The following ALDH18A1 variants were observed in gnomAD, a reference collection of about 807,000 sequenced individuals.
ALDH18A1 encodes delta-1-pyrroline-5-carboxylate synthase.
ALDH18A1 carries 44 observed loss-of-function variants against 88.8 expected under a neutral mutation model. The ratio of observed to expected loss-of-function variants is 0.50; its 90% CI spans 0.39 to 0.64. The LOEUF is 0.64. ALDH18A1 is among the 30% of genes least tolerant of loss of function. The pLI is 0.00. For missense variants in ALDH18A1, 782 were observed against 1,009.5 expected (o/e 0.77, Z 3.05); for synonymous variants, 331 against 372.1 (o/e 0.89, Z 1.27).
At position 95,633,585 on chromosome 10, in the gene ALDH18A1, T is replaced by C. The variant is rs1414735634; in HGVS notation, c.623A>G (p.His208Arg). ...GACAATGTTCATTCTAAGGAGTTCA[T>C]GAAGTGTTCCATTGAGGTTCCGGCG... is the stretch of plus-strand genomic sequence containing the variant. ...QKRRNLNGTL[H>R]ELLRMNIVPI... The change falls in exon 6 of 18, where the codon CAT becomes CGT. Residue 208 changes from histidine (H) to arginine (R), a missense_variant. Coordinates refer to ENST00000371224, the MANE Select transcript of ALDH18A1 (RefSeq NM_002860.4). 1 of 1,614,160 alleles carries C rather than the reference T, an allele frequency of 6.2e-7. No homozygotes were observed. The highest frequency in any genetic ancestry group is 8.5e-7 in the Non-Finnish European group (1 of 1,180,034).
intron 1 of ALDH18A1, among the ~76,000 whole-genome samples, chr10:95,655,928 G>A (rs1291235009): frequency 1.3e-5 from 2 of 152,130 alleles, no homozygotes; most frequent in Admixed American, 6.6e-5. Context: ...TCGGTATATG[G>A]CTCACCACTT....
At chr10:95,615,451 G>A (rs928157012) in intron 13 of ALDH18A1, among the ~76,000 whole-genome samples, 8 of 152,202 alleles carry the variant, frequency 5.3e-5, no homozygotes, top group Admixed American at 2.0e-4. Context: ...CCTCCAGGAT[G>A]TTGGACTGTT....
Position 95,627,500 on chromosome 10 carries a change from G to A in ALDH18A1, c.1020C>T (p.Ile340=). Residue 340 remains isoleucine, a synonymous_variant, in exon 9 of 18, where the codon ATC becomes ATT. Transcript: ENST00000371224. ...GTHPKVSGHV[I]TDIVEGKKVG... ...CTTTCTTCCCCTCCACAATGTCTGT[G>A]ATGACGTGCCCAGACACCTTTGGGT... 1 of 1,614,134 alleles carries A rather than the reference G, an allele frequency of 6.2e-7. No homozygotes were observed. The highest frequency in any genetic ancestry group is 8.5e-7 in the Non-Finnish European group (1 of 1,179,988).
At chr10:95,608,305 T>C (rs933018940) in intron 17 of ALDH18A1, among the ~76,000 whole-genome samples, 1 of 152,158 alleles carries the variant, frequency 6.6e-6, no homozygotes, top group Non-Finnish European at 1.5e-5. Context: ...ATGGAGAGTA[T>C]AAAGATCAAT....
At chr10:95,610,751 G>A (rs1449735451) in intron 16 of ALDH18A1, among the ~76,000 whole-genome samples, 3 of 152,210 alleles carry the variant, frequency 2.0e-5, no homozygotes, top group Non-Finnish European at 4.4e-5. Flanking sequence ...TGAGTGCTTG[G>A]TAAATGTTGG....
At chr10:95,644,165 G>A (rs1224689152) in intron 2 of ALDH18A1, among the ~76,000 whole-genome samples, 1 of 152,124 alleles carries the variant, frequency 6.6e-6, no homozygotes, top group African/African-American at 2.4e-5. Context: ...AAAGAGGGAA[G>A]AGCCTGATTA....
chr10:95,652,835 G>T (rs1412360140), intron 2 of ALDH18A1, among the ~76,000 whole-genome samples: 1 of 151,846 alleles, frequency 6.6e-6, no homozygotes, highest in African/African-American at 2.4e-5. Flanking sequence ...TTGCTATTTG[G>T]CAGAATTTTG....
chr10:95,633,363 T>C, intron 6 of ALDH18A1, 128 bp downstream of exon 6: 2 of 1,220,198 alleles, frequency 1.6e-6, no homozygotes, highest in Admixed American at 4.1e-5. Context: ...ATGCAGTCAC[T>C]GCTCCATGAC....
At chr10:95,623,165 T>TA (rs552778394) in intron 11 of ALDH18A1, among the ~76,000 whole-genome samples, 21 of 151,344 alleles carry the variant, frequency 1.4e-4, no homozygotes, top group African/African-American at 4.6e-4. Context: ...CCCCATATGC[T>TA]AAAAAAAAAG....
intron 12 of ALDH18A1, among the ~76,000 whole-genome samples, chr10:95,619,883 G>A (rs1488285241): frequency 6.6e-6 from 1 of 152,152 alleles, no homozygotes; most frequent in Admixed American, 6.5e-5. Flanking sequence ...CATGGGCAAG[G>A]ACTTCATGAC....
chr10:95,627,705 T>C, intron 8 of ALDH18A1, 119 bp from the exon 9 acceptor site: 1 of 1,255,574 alleles, frequency 8.0e-7, no homozygotes, highest in African/African-American at 1.5e-5. Flanking sequence ...TATGAGAGAA[T>C]GTTTTTAAAA....
Position 95,637,036 on chromosome 10 carries a change from G to A in ALDH18A1, c.558+57C>T, listed in dbSNP as rs1000972314. On this transcript the variant is annotated intron_variant, in intron 5 of 17. Transcript: ENST00000371224. The stretch of plus-strand genomic sequence containing the variant: ...CAATAGTCTGGCTCCAGACCCCTTT[G>A]TTCCACAACAACCACCCTCACAGGT... 3.3e-5 allele frequency: 50 copies of A among 1,523,836 alleles called. No homozygotes were observed. The African/African-American group carries it at 5.9e-4, about 18-fold the overall frequency. The allele number at this position is 1,523,836 out of a possible 1,614,324, so 94.4% of individuals were successfully genotyped here.
intron 2 of ALDH18A1, among the ~76,000 whole-genome samples, chr10:95,647,976 TG>T (rs1351020260): frequency 6.6e-6 from 1 of 152,232 alleles, no homozygotes; most frequent in African/African-American, 2.4e-5. Flanking sequence ...CTGTTTCCTT[TG>T]TAATAAATTG....
chr10:95,621,075 C>T lies in ALDH18A1; in HGVS notation c.1423G>A (p.Val475Ile). The T allele has an allele frequency of 6.2e-7, 1 of 1,614,152 alleles. No homozygotes were observed. Residue 475 changes from valine (V) to isoleucine (I), a missense_variant, in exon 12 of 18, where the codon GTT becomes ATT. Physicochemically the swap from Val to Ile is conservative, Grantham distance 29 (BLOSUM62 3). Around this residue, in one of 3 missense-constraint regions of ALDH18A1, gnomAD observed 556 missense variants for 654.5 expected, o/e 0.85. Transcript: ENST00000371224. ...CGAGATTCAAAGATCACCAGCAGAA[C>T]TCCAATTGGGACAGTCACTTGTTCC... ...ELEQVTVPIG[V>I]LLVIFESRPD... is the part of the protein sequence containing the mutation.
intron 12 of ALDH18A1, among the ~76,000 whole-genome samples, chr10:95,617,090 T>C (rs1589493508): frequency 6.6e-6 from 1 of 152,142 alleles, no homozygotes; most frequent in East Asian, 1.9e-4. Context: ...CTACTATAAA[T>C]ACAAAAATTA....
In ALDH18A1 at chr10:95,621,134, A is replaced by C; in HGVS notation, c.1364T>G (p.Leu455Trp). The C allele has an allele frequency of 6.2e-7, 1 of 1,614,020 alleles. No homozygotes were observed. Among genetic ancestry groups the C allele is most frequent in the Non-Finnish European group, 8.5e-7 (1 of 1,180,014 alleles). Residue 455 changes from leucine to tryptophan, a missense_variant, in exon 12 of 18, where the codon TTG becomes TGG. This residue lies in a region of ALDH18A1 where 556 missense variants were observed against 654.5 expected (regional missense o/e 0.85). Transcript: ENST00000371224. ...GTTTTTGGCGATTCGGGTGCGGCGC[A>C]AAACACGTCCCACGCTGTCCTGGGA... is the stretch of plus-strand genomic sequence containing the variant. ...ASSQDSVGRV[L>W]RRTRIAKNLE...
chr10:95,638,090 T>C (rs1240158302), intron 3 of ALDH18A1, among the ~76,000 whole-genome samples: 1 of 152,204 alleles, frequency 6.6e-6, no homozygotes, highest in Non-Finnish European at 1.5e-5. Flanking sequence ...TGTGGCTCAC[T>C]GCAGCCTTGG....
chr10:95,644,343 T>G (rs1339628700), intron 2 of ALDH18A1, among the ~76,000 whole-genome samples: 1 of 152,218 alleles, frequency 6.6e-6, no homozygotes, highest in Non-Finnish European at 1.5e-5. Flanking sequence ...TCTATCCCCT[T>G]GGACATCTGC....
chr10:95,628,341 T>A, intron 8 of ALDH18A1, 27 bp downstream of exon 8: 2 of 1,614,048 alleles, frequency 1.2e-6, no homozygotes, highest in Non-Finnish European at 1.7e-6. Context: ...AAAATTGTTA[T>A]AGGCAGTTAA....
Sources: gnomAD v4.1 joint callset for allele counts (sites outside exome capture counted in the v4.1 genomes callset) on GRCh38, gnomAD v4.1.1 for gene constraint, gnomAD v4.1.1 regional missense constraint, MANE v1.5 for transcripts, NCBI Gene and HGNC (gene_info 2026-07-23, HGNC 2026-07-21) for gene names.